ADAMTS17: variants seen among roughly 807,000 people sequenced by gnomAD.
The protein encoded by ADAMTS17 is A disintegrin and metalloproteinase with thrombospondin motifs 17.
ADAMTS17 carries 113 observed loss-of-function variants against 141.5 expected under a neutral mutation model. The observed-to-expected ratio is 0.80, with a 90% CI of 0.69 to 0.93. The LOEUF is 0.93. ADAMTS17 is among the 40% of genes least tolerant of loss of function. The pLI is 0.00. For missense variants in ADAMTS17, 1,659 were observed against 1,517.9 expected (o/e 1.09, Z -1.54); for synonymous variants, 768 against 630.6 (o/e 1.22, Z -3.27).
At chr15:100,160,947 T>C (rs551825496) in intron 8 of ADAMTS17, among the ~76,000 whole-genome samples, 2 of 152,236 alleles carry the variant, frequency 1.3e-5, no homozygotes, top group African/African-American at 4.8e-5. Flanking sequence ...AAACTCATAT[T>C]AGTTTAAGTT....
chr15:100,000,227 G>A (rs932316903), intron 18 of ADAMTS17, among the ~76,000 whole-genome samples: 1 of 152,160 alleles, frequency 6.6e-6, no homozygotes, highest in Non-Finnish European at 1.5e-5. Context: ...GAAGAGAATT[G>A]AGCTAAATTC....
chr15:100,255,955 G>C (rs908999736), intron 6 of ADAMTS17, among the ~76,000 whole-genome samples: 1 of 152,162 alleles, frequency 6.6e-6, no homozygotes, highest in African/African-American at 2.4e-5. Context: ...GCTCAGGGAG[G>C]GAGAGCCACA....
At chr15:100,207,883 C>T (rs1231644762) in intron 7 of ADAMTS17, among the ~76,000 whole-genome samples, 1 of 152,164 alleles carries the variant, frequency 6.6e-6, no homozygotes, top group Non-Finnish European at 1.5e-5. Context: ...TTTCTATTTG[C>T]AGGAGACTCC....
At chr15:100,211,420 G>T (rs914281861) in intron 7 of ADAMTS17, among the ~76,000 whole-genome samples, 1 of 152,102 alleles carries the variant, frequency 6.6e-6, no homozygotes, top group Non-Finnish European at 1.5e-5. Context: ...GGGACCACAG[G>T]TGTCCACAGG....
At chr15:100,052,124 A>T (rs1455018751) in intron 16 of ADAMTS17, among the ~76,000 whole-genome samples, 1 of 152,270 alleles carries the variant, frequency 6.6e-6, no homozygotes, top group Non-Finnish European at 1.5e-5. Flanking sequence ...GGAAAGACAC[A>T]GATAAACTTT....
intron 15 of ADAMTS17, among the ~76,000 whole-genome samples, chr15:100,094,502 A>T (rs2035646631): frequency 6.6e-6 from 1 of 152,074 alleles, no homozygotes; most frequent in Non-Finnish European, 1.5e-5. Context: ...ACCACTTTTG[A>T]CCTTAATCTG....
chr15:100,229,721 C>A (rs1596322719), intron 7 of ADAMTS17, among the ~76,000 whole-genome samples: 2 of 152,340 alleles, frequency 1.3e-5, no homozygotes, highest in Middle Eastern at 6.8e-3. Context: ...AAAACACCCA[C>A]AGAGCCTCAG....
intron 15 of ADAMTS17, among the ~76,000 whole-genome samples, chr15:100,080,507 T>C (rs936415341): frequency 6.6e-6 from 1 of 152,058 alleles, no homozygotes; most frequent in African/African-American, 2.4e-5. Context: ...GGACTACAAA[T>C]GACCCAGACC....
At chr15:100,328,936 G>A (rs2045969396) in intron 3 of ADAMTS17, among the ~76,000 whole-genome samples, 1 of 152,102 alleles carries the variant, frequency 6.6e-6, no homozygotes, top group Admixed American at 6.6e-5. Flanking sequence ...GTGCTCAAAT[G>A]GGAAAATCCA....
intron 3 of ADAMTS17, among the ~76,000 whole-genome samples, chr15:100,328,509 T>C (rs1040262278): frequency 1.3e-5 from 2 of 152,208 alleles, no homozygotes; most frequent in African/African-American, 4.8e-5. Context: ...AGCAAGCTGA[T>C]GCAAGGTTTG....
intron 15 of ADAMTS17, among the ~76,000 whole-genome samples, chr15:100,085,957 G>A (rs1311041807): frequency 4.0e-5 from 6 of 151,598 alleles, no homozygotes; most frequent in Non-Finnish European, 5.9e-5. Flanking sequence ...AAAATAACCA[G>A]CTAATATCAT....
chr15:100,183,769 CTG>C (rs1395758111), intron 8 of ADAMTS17, among the ~76,000 whole-genome samples: 6 of 152,214 alleles, frequency 3.9e-5, no homozygotes, highest in Non-Finnish European at 8.8e-5. Flanking sequence ...AGCCATCACA[CTG>C]TTTAGGTTTG....
chr15:100,238,926 A>G (rs1177401000), intron 7 of ADAMTS17, among the ~76,000 whole-genome samples: 1 of 152,170 alleles, frequency 6.6e-6, no homozygotes, highest in Non-Finnish European at 1.5e-5. Context: ...CCCTGTTTCT[A>G]CTAAAAATAC....
At chr15:100,136,959 G>A (rs1211387676) in intron 10 of ADAMTS17, among the ~76,000 whole-genome samples, 1 of 152,212 alleles carries the variant, frequency 6.6e-6, no homozygotes, top group African/African-American at 2.4e-5. Context: ...TACAGGCACT[G>A]GAGTGAGTGA....
intron 3 of ADAMTS17, among the ~76,000 whole-genome samples, chr15:100,299,462 T>C (rs1460164696): frequency 6.6e-6 from 1 of 150,976 alleles, no homozygotes; most frequent in African/African-American, 2.4e-5. Context: ...GCTGAAAGAT[T>C]ACACTAGCCT....
In ADAMTS17 at chr15:99,976,059, G is replaced by A. The variant is rs1265553857; in HGVS notation, c.3113C>T (p.Thr1038Ile). The change falls in exon 21 of 22, where the codon ACC becomes ATC. Residue 1038 changes from threonine to isoleucine, a missense_variant. Thr to Ile is a moderately conservative substitution (Grantham distance 89). Coordinates refer to ENST00000268070, the MANE Select transcript of ADAMTS17 (RefSeq NM_139057.4). ...AAGACACTCACCAAGGCGGGGGGAG[G>A]TGATGGTGTTGGCGTTGATCCTGTC... is the stretch of plus-strand genomic sequence containing the variant. The part of the protein sequence containing the change: ...CNDRINANTI[T>I]SPRLAALTYK... The A allele has an allele frequency of 6.4e-7, 1 of 1,551,066 alleles. No homozygotes were observed. Among genetic ancestry groups the A allele is most frequent in the Non-Finnish European group, 8.7e-7 (1 of 1,146,580 alleles).
intron 18 of ADAMTS17, among the ~76,000 whole-genome samples, chr15:100,007,184 T>G (rs1293314883): frequency 6.6e-6 from 1 of 152,202 alleles, no homozygotes; most frequent in Non-Finnish European, 1.5e-5. Context: ...GTGGAGCTGG[T>G]CAACCAAATA....
Position 100,331,028 on chromosome 15 carries a change from C to T in ADAMTS17, c.477G>A (p.Glu159=), listed in dbSNP as rs775113756. 1.9e-6 allele frequency: 3 copies of T among 1,614,168 alleles called. No individual in the cohort carries two copies. The highest frequency in any genetic ancestry group is 3.3e-5 in the Admixed American group (2 of 60,016). ...TGTTGAGGGGCTGGATTAGCACCTG[C>T]TCCTGCCCAAGCTGAATGAGGCCAA... ...GLVGLIQLGQ[E]QVLIQPLNNS... The change falls in exon 3 of 22, where the codon GAG becomes GAA. Residue 159 remains glutamate, a synonymous_variant. Coordinates refer to ENST00000268070, the MANE Select transcript of ADAMTS17 (RefSeq NM_139057.4).
chr15:99,999,353 G>C (rs1452970889), intron 18 of ADAMTS17, among the ~76,000 whole-genome samples: 6 of 152,210 alleles, frequency 3.9e-5, no homozygotes, highest in Non-Finnish European at 7.3e-5. Flanking sequence ...GAGCAGAACA[G>C]GGAGTGGGTG....
Sources: gnomAD v4.1 joint callset for allele counts (sites outside exome capture counted in the v4.1 genomes callset) on GRCh38, gnomAD v4.1.1 for gene constraint, MANE v1.5 for transcripts, NCBI Gene and HGNC (gene_info 2026-07-23, HGNC 2026-07-21) for gene names.